BLVRB: variants seen among roughly 807,000 people sequenced by gnomAD.
The protein encoded by BLVRB is biliverdin reductase B.
BLVRB carries 25 observed loss-of-function variants against 21.1 expected under a neutral mutation model. That is an observed-to-expected ratio of 1.19 (90% CI 0.86 to 1.66). The LOEUF is 1.66. Among genes scored for constraint, BLVRB ranks in the 40% most tolerant of loss-of-function variants. The pLI is 0.00. For synonymous variants in BLVRB, 128 were observed against 122.2 expected, an observed-to-expected ratio of 1.05 and a Z score of -0.31; for missense variants, 274 against 282.7, an observed-to-expected ratio of 0.97 and a Z score of 0.22.
At chr19:40,463,277 T>G (rs2079796168) in intron 1 of BLVRB, among the ~76,000 whole-genome samples, 3 of 152,340 alleles carry the variant, frequency 2.0e-5, no homozygotes, top group Middle Eastern at 3.4e-3. Context: ...ACTGCAAAAT[T>G]CAATGCTAGT....
In BLVRB at chr19:40,458,409, G is replaced by T; in HGVS notation, c.216C>A (p.Ile72=). 1 of 1,591,082 alleles carries T rather than the reference G, an allele frequency of 6.3e-7. No homozygotes were observed. Among genetic ancestry groups the T allele is most frequent in the Admixed American group, 1.8e-5 (1 of 56,856 alleles). ...DKTVAGQDAV[I]VLLGTRNDLS... ...GGTCATTGCGGGTGCCCAGCAGCAC[G>T]ATGACAGCGTCCTGCCCAGCCACGG... Residue 72 remains isoleucine, a synonymous_variant, in exon 2 of 5, where the codon ATC becomes ATA. Transcript: ENST00000263368.
At position 40,451,932 on chromosome 19, in the gene BLVRB, C is replaced by T. The variant is rs1599686469; in HGVS notation, c.335-440G>A. ...GGAGTCCTCTGGGGCTCCTCTTTCC[C>T]TCACACCCCAGGTAAGAGCTGTCTG... On this transcript the variant is annotated intron_variant, in intron 3 of 4. Coordinates refer to ENST00000263368, the MANE Select transcript of BLVRB (RefSeq NM_000713.3). Among the ~76,000 whole-genome samples the T allele has an allele frequency of 2.6e-5, 4 of 152,302 alleles. 1 individual carries two copies. In the South Asian group the frequency reaches 8.3e-4, roughly 32 times the overall value.
rs564007901 is a variant in BLVRB, at chr19:40,462,735, C to CA, written c.79+2874dup. On this transcript the variant is annotated intron_variant, in intron 1 of 4. Coordinates refer to ENST00000263368, the MANE Select transcript of BLVRB (RefSeq NM_000713.3). ...TGAAACCCCATCTTTACTAAAAATA[C>CA]AAAAAAAATTAGCTGGGCATGGTGG... 2.5e-4 allele frequency among the ~76,000 whole-genome samples: 37 copies of CA among 148,936 alleles called. No individual in the cohort carries two copies. In the East Asian group the frequency reaches 4.8e-3, roughly 19 times the overall value.
intron 1 of BLVRB, among the ~76,000 whole-genome samples, chr19:40,464,715 A>G (rs2079803084): frequency 6.6e-6 from 1 of 152,074 alleles, no homozygotes; most frequent in South Asian, 2.1e-4. Context: ...GGAAGGGGAG[A>G]GTTATGGACC....
In BLVRB at chr19:40,460,138, A is replaced by AAC. The variant is rs1381329324; in HGVS notation, c.80-1595_80-1594dup. Among the ~76,000 whole-genome samples the AAC allele has an allele frequency of 2.6e-5, 4 of 151,454 alleles. No homozygotes were observed. The East Asian group carries it at 5.8e-4, about 22-fold the overall frequency. ...ATTTTGGATAATTTTGTTTCTCTTCAACACACACACACATACACACACATT... is the reference window on the plus strand; with the variant it reads ...ATTTTGGATAATTTTGTTTCTCTTCAACACACACACACACATACACACACATT... On this transcript the variant is annotated intron_variant, in intron 1 of 4. Coordinates refer to ENST00000263368, the MANE Select transcript of BLVRB (RefSeq NM_000713.3).
intron 3 of BLVRB, among the ~76,000 whole-genome samples, chr19:40,454,699 C>T (rs1229265299): frequency 6.6e-6 from 1 of 152,080 alleles, no homozygotes; most frequent in Admixed American, 6.6e-5. Flanking sequence ...GCACCCGCCG[C>T]CACGCCTGGC....
chr19:40,464,072 T>G (rs776255128), intron 1 of BLVRB, among the ~76,000 whole-genome samples: 1 of 151,328 alleles, frequency 6.6e-6, no homozygotes, highest in Non-Finnish European at 1.5e-5. Context: ...CAGCCTCTTT[T>G]TCTTTCTTTT....
intron 3 of BLVRB, among the ~76,000 whole-genome samples, chr19:40,457,323 C>T (rs924421801): frequency 1.3e-5 from 2 of 152,178 alleles, no homozygotes; most frequent in Non-Finnish European, 2.9e-5. Context: ...TGTCCTCTGC[C>T]TGGAGTGTAA....
chr19:40,458,291 G>A (rs1245113571), intron 2 of BLVRB, 47 bp from the exon 3 acceptor site: 1 of 1,496,534 alleles, frequency 6.7e-7, no homozygotes, highest in East Asian at 2.4e-5. Context: ...GGCGGCGGCG[G>A]CAGGGGTGGC....
intron 3 of BLVRB, chr19:40,457,858 C>T: frequency 4.9e-6 from 2 of 406,724 alleles, no homozygotes; most frequent in Non-Finnish European, 8.8e-6. Context: ...TGTAGTTTCT[C>T]CCATTGTGGC....
intron 4 of BLVRB, among the ~76,000 whole-genome samples, chr19:40,448,319 G>T (rs1465903304): frequency 6.6e-6 from 1 of 150,744 alleles, no homozygotes; most frequent in African/African-American, 2.4e-5. Context: ...GGCCAGTGGC[G>T]GTGGCTCATG....
intron 1 of BLVRB, among the ~76,000 whole-genome samples, chr19:40,460,850 T>C (rs2079783951): frequency 6.6e-6 from 1 of 152,008 alleles, no homozygotes; most frequent in African/African-American, 2.4e-5. Context: ...TGCATGCCTG[T>C]AATCCCAGCT....
At chr19:40,462,018 T>C (rs1050220925) in intron 1 of BLVRB, among the ~76,000 whole-genome samples, 6 of 152,228 alleles carry the variant, frequency 3.9e-5, no homozygotes, top group African/African-American at 1.2e-4. Flanking sequence ...GCCATCTCCC[T>C]GAACCTTTGT....
At chr19:40,452,019 C>T (rs914030827) in intron 3 of BLVRB, among the ~76,000 whole-genome samples, 2 of 152,160 alleles carry the variant, frequency 1.3e-5, no homozygotes, top group Non-Finnish European at 2.9e-5. Context: ...CCACTGTTAC[C>T]TCTTGCCTGG....
chr19:40,464,709 G>A (rs2079803055), intron 1 of BLVRB, among the ~76,000 whole-genome samples: 2 of 152,222 alleles, frequency 1.3e-5, no homozygotes, highest in Non-Finnish European at 2.9e-5. Context: ...CCCTGGGGAA[G>A]GGGAGAGTTA....
Position 40,447,880 on chromosome 19 carries a change from G to A in BLVRB, c.*9C>T. 2 of 1,611,304 alleles carry A rather than the reference G, an allele frequency of 1.2e-6. No individual in the cohort carries two copies. The highest frequency in any genetic ancestry group is 1.7e-6 in the Non-Finnish European group (2 of 1,177,776). ...CCAGAATGCCACCCTCCCAGATGGGGACAGAGTGCTACTGGTACTGGTGGG... is the reference window on the plus strand; with the variant it reads ...CCAGAATGCCACCCTCCCAGATGGGAACAGAGTGCTACTGGTACTGGTGGG... On this transcript the variant is annotated 3_prime_UTR_variant, in exon 5 of 5. Coordinates refer to ENST00000263368, the MANE Select transcript of BLVRB (RefSeq NM_000713.3).
At chr19:40,451,534 CTTT>C (rs66462314) in intron 3 of BLVRB, 42 bp from the exon 4 acceptor site, 13,413 of 1,311,828 alleles carry the variant, frequency 0.01, no homozygotes, top group South Asian at 0.021. Flanking sequence ...GCTCTCTTGT[CTTT>C]TTTTTTTTTT....
At chr19:40,448,154 G>C in intron 4 of BLVRB, 108 bp from the exon 5 acceptor site, 1 of 1,242,160 alleles carries the variant, frequency 8.1e-7, no homozygotes, top group Non-Finnish European at 1.1e-6. Flanking sequence ...TGTCCAGCCT[G>C]GGTGGTGTCA....
At chr19:40,462,697 C>T (rs2079793291) in intron 1 of BLVRB, among the ~76,000 whole-genome samples, 1 of 148,878 alleles carries the variant, frequency 6.7e-6, no homozygotes, top group Non-Finnish European at 1.5e-5. Flanking sequence ...GGAGACCATC[C>T]TGGTTAACAT....
Sources: gnomAD v4.1 joint callset for allele counts (sites outside exome capture counted in the v4.1 genomes callset) on GRCh38, gnomAD v4.1.1 for gene constraint, MANE v1.5 for transcripts, NCBI Gene and HGNC (gene_info 2026-07-23, HGNC 2026-07-21) for gene names.